The following STON1 variants were observed in gnomAD, a reference collection of about 807,000 sequenced individuals.
STON1 encodes stonin 1, also known as stonin-1.
A neutral mutation model predicts 60.9 loss-of-function variants in STON1; 79 were observed. The observed-to-expected ratio is 1.30, with a 90% CI of 1.08 to 1.56. STON1 has a LOEUF of 1.56. Ranked by LOEUF, STON1 falls within the 40% of genes most tolerant of loss-of-function variation. STON1 has a pLI of 0.00. For synonymous variants in STON1, 363 were observed against 306.9 expected (o/e 1.18, Z -1.91); for missense variants, 1,166 against 858.9 (o/e 1.36, Z -4.47).
In STON1 at chr2:48,579,013, T is replaced by TG. The variant is rs577556603; in HGVS notation, c.-47-1574_-47-1573insG. On this transcript the variant is annotated intron_variant, in intron 1 of 3. Transcript: ENST00000404752. Reference sequence around the variant, plus strand: ...AGTTTTTTCAACACCACTTTTTTTTTTTTGTTTGAGACAAAGTTTCGTTCT... The same window carrying TG: ...AGTTTTTTCAACACCACTTTTTTTTTGTTTGTTTGAGACAAAGTTTCGTTCT... 8.6e-3 allele frequency among the ~76,000 whole-genome samples: 1,310 copies of TG among 152,216 alleles called. 25 individuals are homozygous for TG. The highest frequency in any genetic ancestry group is 0.031 in the African/African-American group (1,271 of 41,530).
chr2:48,591,926 C>A (rs764358311), intron 3 of STON1, 71 bp downstream of exon 3: 1 of 1,544,936 alleles, frequency 6.5e-7, no homozygotes, highest in South Asian at 1.2e-5. Flanking sequence ...CTTTTGTGAT[C>A]GTGTATGTGT....
chr2:48,587,251 T>C (rs1264467984), intron 2 of STON1, among the ~76,000 whole-genome samples: 1 of 152,194 alleles, frequency 6.6e-6, no homozygotes, highest in East Asian at 1.9e-4. Flanking sequence ...TATGCCTTTG[T>C]CTTCCAGACC....
At chr2:48,550,607 T>G (rs1672063137) in intron 1 of STON1, among the ~76,000 whole-genome samples, 1 of 150,078 alleles carries the variant, frequency 6.7e-6, no homozygotes, top group African/African-American at 2.4e-5. Flanking sequence ...ATATTTACTC[T>G]TTTTAATGCA....
intron 1 of STON1, among the ~76,000 whole-genome samples, chr2:48,566,179 A>C (rs1233286562): frequency 6.6e-6 from 1 of 152,030 alleles, no homozygotes; most frequent in Non-Finnish European, 1.5e-5. Flanking sequence ...TGGGCATATT[A>C]GTTTTTATTT....
intron 2 of STON1, among the ~76,000 whole-genome samples, chr2:48,584,413 G>A (rs897636860): frequency 2.6e-5 from 4 of 152,050 alleles, no homozygotes; most frequent in Admixed American, 6.6e-5. Flanking sequence ...GACGACAGGC[G>A]TGAGCCACCA....
chr2:48,549,063 A>G (rs1671984195), intron 1 of STON1, among the ~76,000 whole-genome samples: 1 of 152,168 alleles, frequency 6.6e-6, no homozygotes, highest in African/African-American at 2.4e-5. Flanking sequence ...CTTGGAGATC[A>G]CAGTGCATTT....
At chr2:48,531,116 G>C (rs1671193296) in intron 1 of STON1, 2 of 152,202 alleles carry the variant, frequency 1.3e-5, no homozygotes, top group African/African-American at 4.8e-5. Context: ...ACACTCGACT[G>C]TTTTCCTGGG....
intron 1 of STON1, among the ~76,000 whole-genome samples, chr2:48,564,407 C>G (rs1314568714): frequency 1.0e-4 from 2 of 19,106 alleles, no homozygotes; most frequent in African/African-American, 3.7e-4. Flanking sequence ...GTGGCGGTGT[C>G]TTCTTCTTCT....
intron 1 of STON1, among the ~76,000 whole-genome samples, chr2:48,565,238 G>A (rs1254460479): frequency 1.3e-5 from 2 of 151,670 alleles, no homozygotes. Flanking sequence ...ATTTTTGGTA[G>A]AGACAGGGTT....
intron 1 of STON1, among the ~76,000 whole-genome samples, chr2:48,561,811 G>A (rs1672625279): frequency 6.6e-6 from 1 of 152,108 alleles, no homozygotes; most frequent in Non-Finnish European, 1.5e-5. Context: ...CAGGTTTTCA[G>A]GTTTTCACCT....
At chr2:48,547,187 C>T (rs1025189978) in intron 1 of STON1, among the ~76,000 whole-genome samples, 2 of 152,208 alleles carry the variant, frequency 1.3e-5, no homozygotes, top group African/African-American at 2.4e-5. Flanking sequence ...TCTCTCTGGA[C>T]TCTTATTTCC....
Position 48,591,794 on chromosome 2 carries a change from G to T in STON1, c.2072G>T (p.Gly691Val). The change falls in exon 3 of 4, where the codon GGA (glycine) becomes GTA (valine). Residue 691 changes from glycine (G) to valine (V), a missense_variant. Transcript: ENST00000404752. ...CASRTEVRSL[G>V]VESDVQPQKH... ...TCAAGGACAGAGGTCAGGTCTCTGG[G>T]AGTGGAGAGTGATGTCCAGCCACAG... The T allele has an allele frequency of 1.9e-6, 3 of 1,614,194 alleles. No individual in the cohort carries two copies. The highest frequency in any genetic ancestry group is 2.5e-6 in the Non-Finnish European group (3 of 1,180,028).
chr2:48,572,056 G>A lies in STON1; in HGVS notation c.-47-8531G>A, dbSNP rs538647145. Among the ~76,000 whole-genome samples the A allele has an allele frequency of 2.3e-4, 35 of 152,200 alleles. No individual in the cohort carries two copies. In the South Asian group the frequency reaches 6.6e-3, roughly 29 times the overall value. On this transcript the variant is annotated intron_variant, in intron 1 of 3. Transcript: ENST00000404752. ...TGGGCGCCTGTAATCCCAGCTACTC[G>A]GGAGGCTGAGGCAGGAGAATTGCTT...
At chr2:48,549,965 C>T (rs1214599024) in intron 1 of STON1, among the ~76,000 whole-genome samples, 5 of 151,740 alleles carry the variant, frequency 3.3e-5, no homozygotes, top group African/African-American at 1.2e-4. Context: ...GAATATAAGT[C>T]CAGACAGGAG....
In STON1 at chr2:48,596,900, G is replaced by A. The variant is rs1254598647; in HGVS notation, c.*1598G>A. 6.6e-6 allele frequency: 1 copy of A among 152,042 alleles called. No homozygotes were observed. Among genetic ancestry groups the A allele is most frequent in the Non-Finnish European group, 1.5e-5 (1 of 68,006 alleles). The allele number at this position is 152,042 out of a possible 1,614,324, so 9.4% of individuals were successfully genotyped here. A position where few individuals can be genotyped will look rare whatever the true frequency, so the allele number is the denominator to read the frequency against. ...GAGTCTCACTCTGTTGCCCAGCCTG[G>A]AGTGCAGTGTGTCATCTTGGCTCAC... On this transcript the variant is annotated 3_prime_UTR_variant, in exon 4 of 4. Transcript: ENST00000404752.
In STON1 at chr2:48,565,177, C is replaced by T. The variant is rs188329953; in HGVS notation, c.-47-15410C>T. On this transcript the variant is annotated intron_variant, in intron 1 of 3. Transcript: ENST00000404752. ...ATGCCATTCTCCTGCCTCAGCCTCC[C>T]GAGTGGCTGGGACTACAGGCGCCCG... Among the ~76,000 whole-genome samples, 764 of 149,864 alleles carry T rather than the reference C, an allele frequency of 5.1e-3. 12 individuals are homozygous for T. Among genetic ancestry groups the T allele is most frequent in the African/African-American group, 0.018 (724 of 40,724 alleles).
chr2:48,534,446 T>G (rs984844632), intron 1 of STON1, among the ~76,000 whole-genome samples: 3 of 152,190 alleles, frequency 2.0e-5, no homozygotes, highest in African/African-American at 7.2e-5. Flanking sequence ...CACTACTGTC[T>G]ACCATCTCCC....
chr2:48,548,143 G>C (rs1183959445), intron 1 of STON1, among the ~76,000 whole-genome samples: 1 of 152,220 alleles, frequency 6.6e-6, no homozygotes, highest in Non-Finnish European at 1.5e-5. Context: ...CCAGGATGTG[G>C]CTTGGCCAGG....
chr2:48,554,413 G>A (rs985923111), intron 1 of STON1, among the ~76,000 whole-genome samples: 1 of 152,036 alleles, frequency 6.6e-6, no homozygotes, highest in African/African-American at 2.4e-5. Context: ...AATAGAGACG[G>A]GGTTTTACCA....
Sources: allele counts gnomAD v4.1 joint callset (sites outside exome capture counted in the v4.1 genomes callset), GRCh38; gene constraint gnomAD v4.1.1; transcripts MANE v1.5; gene names NCBI Gene and HGNC (gene_info 2026-07-23, HGNC 2026-07-21).